The following VPS50 variants were observed in gnomAD, a reference collection of about 807,000 sequenced individuals.
VPS50 encodes syndetin.
Under a neutral mutation model 139.7 loss-of-function variants are expected in VPS50, and 70 were observed. That is an observed-to-expected ratio of 0.50 (90% CI 0.41 to 0.61). The LOEUF is 0.61. Ranked by LOEUF, VPS50 falls within the 20% of genes least tolerant of loss-of-function variation. VPS50 has a pLI of 0.00. For synonymous variants in VPS50, 365 were observed against 376.7 expected (o/e 0.97, Z 0.36); for missense variants, 921 against 1,133.7 (o/e 0.81, Z 2.69).
intron 1 of VPS50, among the ~76,000 whole-genome samples, chr7:93,237,271 A>G (rs1794839425): frequency 1.3e-5 from 2 of 151,996 alleles, no homozygotes; most frequent in Admixed American, 6.6e-5. Flanking sequence ...TACTTCTTAT[A>G]ATAGCCTATG....
intron 23 of VPS50, among the ~76,000 whole-genome samples, chr7:93,347,101 T>C (rs1392547398): frequency 1.4e-5 from 2 of 147,914 alleles, no homozygotes; most frequent in Non-Finnish European, 3.0e-5. Flanking sequence ...ATATCCAGAA[T>C]CTACAATGAA....
chr7:93,235,691 G>A lies in VPS50; in HGVS notation c.33+3191G>A, dbSNP rs1020959019. 6.6e-5 allele frequency among the ~76,000 whole-genome samples: 10 copies of A among 152,144 alleles called. No individual in the cohort carries two copies. The East Asian group carries it at 7.7e-4, about 12-fold the overall frequency. ...GGAAGAATGTAATTGCCATTTCCTCGGATGGATAAAACTGAGGGAGGAACA... is the reference window on the plus strand; with the variant it reads ...GGAAGAATGTAATTGCCATTTCCTCAGATGGATAAAACTGAGGGAGGAACA... On this transcript the variant is annotated intron_variant, in intron 1 of 27. Coordinates refer to ENST00000305866, the MANE Select transcript of VPS50 (RefSeq NM_017667.4).
At position 93,276,313 on chromosome 7, in the gene VPS50, G is replaced by A; in HGVS notation, c.942+8G>A. 6.2e-7 allele frequency: 1 copy of A among 1,608,234 alleles called. No individual in the cohort carries two copies. The highest frequency in any genetic ancestry group is 8.5e-7 in the Non-Finnish European group (1 of 1,175,658). ...TATAAGGATCTCTGTACAGTATGTA[G>A]TGACTTAATTACTATTCATATATCT... On this transcript the variant is annotated splice_region_variant and intron_variant, in intron 12 of 27. Transcript: ENST00000305866.
At chr7:93,240,247 A>ACTCTCT (rs542830030) in intron 2 of VPS50, among the ~76,000 whole-genome samples, 2 of 143,980 alleles carry the variant, frequency 1.4e-5, no homozygotes, top group Non-Finnish European at 3.0e-5. Flanking sequence ...ACACACACAC[A>ACTCTCT]CACTCTCTCT....
chr7:93,311,384 G>A lies in VPS50; in HGVS notation c.1855+112G>A, dbSNP rs544778047. Reference sequence around the variant, plus strand: ...TATACTCCAGTGCTCTATGCAATGAGGGATTTAAGGTTATCATATGTCAAT... The same window carrying A: ...TATACTCCAGTGCTCTATGCAATGAAGGATTTAAGGTTATCATATGTCAAT... On this transcript the variant is annotated intron_variant, in intron 20 of 27. Coordinates refer to ENST00000305866, the MANE Select transcript of VPS50 (RefSeq NM_017667.4). The A allele has an allele frequency of 1.9e-4, 120 of 616,840 alleles. No individual in the cohort carries two copies. The African/African-American group carries it at 2.0e-3, about 10-fold the overall frequency. The allele number at this position is 616,840 out of a possible 1,614,324, so 38.2% of individuals were successfully genotyped here.
intron 2 of VPS50, among the ~76,000 whole-genome samples, chr7:93,243,782 G>A (rs1258421608): frequency 1.3e-5 from 2 of 151,856 alleles, no homozygotes; most frequent in Non-Finnish European, 2.9e-5. Context: ...CTGTGTTTGA[G>A]AGTATTTGTT....
chr7:93,253,855 T>C lies in VPS50; in HGVS notation c.226-5T>C. ...TCCTCTTCTTTCATGAATTTTTTTC[T>C]GTAGAAGCTTCCACCTGTTCTCAAT... On this transcript the variant is annotated splice_polypyrimidine_tract_variant and splice_region_variant and intron_variant, in intron 3 of 27. Transcript: ENST00000305866. The C allele has an allele frequency of 6.4e-7, 1 of 1,561,026 alleles. No individual in the cohort carries two copies. The highest frequency in any genetic ancestry group is 2.2e-5 in the East Asian group (1 of 44,556).
chr7:93,240,713 C>T (rs1306179075), intron 2 of VPS50, among the ~76,000 whole-genome samples: 1 of 152,092 alleles, frequency 6.6e-6, no homozygotes, highest in Non-Finnish European at 1.5e-5. Flanking sequence ...TTTTCTGCAT[C>T]AGGCATTTGA....
rs368241812 is a variant in VPS50, at chr7:93,296,833, G to A, written c.1259G>A (p.Ser420Asn). 3.8e-6 allele frequency: 6 copies of A among 1,595,826 alleles called. No individual in the cohort carries two copies. Among genetic ancestry groups the A allele is most frequent in the Non-Finnish European group, 4.3e-6 (5 of 1,175,314 alleles). Residue 420 changes from serine to asparagine, a missense_variant, in exon 15 of 28, where the codon AGC (serine) becomes AAC (asparagine). Transcript: ENST00000305866. The stretch of plus-strand genomic sequence containing the variant: ...TTCATCTTTGTTTTGGATATAATCA[G>A]CAGGTAGTATTTAAGATCTTGTCTT... ...DDFIFVLDII[S>N]RLMQVGEEFC...
intron 25 of VPS50, among the ~76,000 whole-genome samples, 196 bp from the exon 26 acceptor site, chr7:93,353,444 T>G (rs1003792185): frequency 6.6e-6 from 1 of 152,224 alleles, no homozygotes; most frequent in Non-Finnish European, 1.5e-5. Context: ...TACTATAACA[T>G]AATCTATTTA....
intron 2 of VPS50, among the ~76,000 whole-genome samples, chr7:93,249,989 T>C (rs548654156): frequency 2.0e-5 from 3 of 152,188 alleles, no homozygotes; most frequent in East Asian, 1.9e-4. Flanking sequence ...TTCAGGAATG[T>C]AGTTCCCACT....
intron 2 of VPS50, among the ~76,000 whole-genome samples, chr7:93,242,693 A>G (rs1301107373): frequency 1.3e-5 from 2 of 152,122 alleles, no homozygotes; most frequent in East Asian, 3.9e-4. Flanking sequence ...CTTTTAAAAA[A>G]CATATGCCTG....
intron 9 of VPS50, among the ~76,000 whole-genome samples, chr7:93,268,254 T>C (rs994214710): frequency 3.9e-5 from 6 of 152,308 alleles, no homozygotes; most frequent in Admixed American, 3.9e-4. Flanking sequence ...TGGTTGATGG[T>C]GTTTGTCAAA....
chr7:93,309,892 C>T (rs1405022193), intron 19 of VPS50, among the ~76,000 whole-genome samples: 1 of 151,834 alleles, frequency 6.6e-6, no homozygotes, highest in Non-Finnish European at 1.5e-5. Context: ...ATATTCTTAT[C>T]GTTTAACCCT....
intron 20 of VPS50, among the ~76,000 whole-genome samples, chr7:93,312,059 G>A (rs1202295172): frequency 6.6e-6 from 1 of 152,078 alleles, no homozygotes; most frequent in Non-Finnish European, 1.5e-5. Context: ...GAAATAGTCT[G>A]TGTTCTTTAA....
chr7:93,290,428 T>C (rs1796615915), intron 12 of VPS50, among the ~76,000 whole-genome samples: 1 of 151,798 alleles, frequency 6.6e-6, no homozygotes, highest in South Asian at 2.1e-4. Flanking sequence ...TTTTTTTTTT[T>C]TTTTTGTGAC....
intron 9 of VPS50, among the ~76,000 whole-genome samples, chr7:93,265,386 TAAAC>T (rs1478796402): frequency 6.6e-6 from 1 of 152,152 alleles, no homozygotes; most frequent in Non-Finnish European, 1.5e-5. Flanking sequence ...AGACAAAAAG[TAAAC>T]AAACGGTTGT....
At chr7:93,297,111 G>A in intron 15 of VPS50, 34 bp from the exon 16 acceptor site, 1 of 1,543,224 alleles carries the variant, frequency 6.5e-7, no homozygotes, top group Non-Finnish European at 8.6e-7. Flanking sequence ...TAAGGCTGCT[G>A]CTGAAATTTA....
At position 93,344,827 on chromosome 7, in the gene VPS50, C is replaced by A. The variant is rs574837138; in HGVS notation, c.2207+3252C>A. On this transcript the variant is annotated intron_variant, in intron 23 of 27. Transcript: ENST00000305866. ...CAGAATCTCTGGGACACATTCAAAG[C>A]AGTGTGTAGAGGGAAATTTATAGCA... 5.4e-3 allele frequency among the ~76,000 whole-genome samples: 826 copies of A among 152,082 alleles called. 8 individuals carry two copies. The highest frequency in any genetic ancestry group is 0.019 in the African/African-American group (797 of 41,430).
Sources: gnomAD v4.1 joint callset for allele counts (sites outside exome capture counted in the v4.1 genomes callset) on GRCh38, gnomAD v4.1.1 for gene constraint, MANE v1.5 for transcripts, NCBI Gene and HGNC (gene_info 2026-07-23, HGNC 2026-07-21) for gene names.